The following NACA variants were observed in gnomAD, a reference collection of about 807,000 sequenced individuals.
NACA encodes the protein nascent polypeptide associated complex subunit alpha, also known as nascent polypeptide-associated complex subunit alpha.
In NACA, 42 loss-of-function variants were observed where a neutral mutation model predicts 86.4. That is an observed-to-expected ratio of 0.49 (90% CI 0.38 to 0.63). NACA has a LOEUF of 0.63. NACA is among the 20% of genes least tolerant of loss of function. The pLI is 0.00. For missense variants in NACA, 2,157 were observed against 2,483.6 expected, an observed-to-expected ratio of 0.87 and a Z score of 2.80; for synonymous variants, 898 against 973.7, an observed-to-expected ratio of 0.92 and a Z score of 1.45.
chr12:56,722,303 C>G (rs1442451544), intron 2 of NACA, among the ~76,000 whole-genome samples: 1 of 152,130 alleles, frequency 6.6e-6, no homozygotes, highest in Non-Finnish European at 1.5e-5. Context: ...TGAATTAGAC[C>G]TCCAGGCAGA....
At position 56,720,599 on chromosome 12, in the gene NACA, G is replaced by T; in HGVS notation, c.931C>A (p.Pro311Thr). Residue 311 changes from proline to threonine, a missense_variant, in exon 3 of 9, where the codon CCT becomes ACT. Around this residue, in one of 8 missense-constraint regions of NACA, gnomAD observed 947 missense variants for 917.9 expected, o/e 1.03. Coordinates refer to ENST00000454682, the MANE Select transcript of NACA (RefSeq NM_001365896.1). ...GAACCAAAAGAACTCTGATGTAAAG[G>T]TGCAAGATGAGAGCCCAGAGAAATG... Reference protein sequence around the residue: ...FPISLGSHLAPLHQSSFGSVQ... With the variant: ...FPISLGSHLATLHQSSFGSVQ... The T allele has an allele frequency of 6.2e-7, 1 of 1,613,976 alleles. No individual in the cohort carries two copies. Among genetic ancestry groups the T allele is most frequent in the South Asian group, 1.1e-5 (1 of 91,086 alleles).
At chr12:56,713,456 G>A (rs949317355) in intron 6 of NACA, 81 bp downstream of exon 6, 1 of 1,522,862 alleles carries the variant, frequency 6.6e-7, no homozygotes, top group Non-Finnish European at 9.0e-7. Context: ...CCATAACAGA[G>A]AACTATCTGA....
rs1953483317 is a variant in NACA, at chr12:56,718,871, T to C, written c.2659A>G (p.Thr887Ala). The change falls in exon 3 of 9, where the codon ACT becomes GCT. Residue 887 changes from threonine (T) to alanine (A), a missense_variant. By Grantham distance (58) the Thr-to-Ala change is moderately conservative. This residue lies in a region of NACA where 174 missense variants were observed against 217.0 expected (regional missense o/e 0.80). Transcript: ENST00000454682. ...GVTLPPKETP[T>A]PSVVNLPFPK... ...AAGGGCAGATTCACCACTGAAGGAG[T>C]GGGGGTCTCTTTGGGGGGTAGTGTT... The C allele has an allele frequency of 9.3e-6, 13 of 1,393,830 alleles. No individual in the cohort carries two copies. The highest frequency in any genetic ancestry group is 1.2e-5 in the Non-Finnish European group (13 of 1,047,328). 86.3% of individuals were successfully genotyped at this position (1,393,830 alleles called of 1,614,324 possible).
At position 56,713,225 on chromosome 12, in the gene NACA, A is replaced by G. The variant is rs773831918; in HGVS notation, c.5971-35T>C. On this transcript the variant is annotated intron_variant, in intron 6 of 8. Coordinates refer to ENST00000454682, the MANE Select transcript of NACA (RefSeq NM_001365896.1). ...AGAAAATACAGATCCATGTGAGTAG[A>G]TTAGCAGTCTTTGAAAAATAAATCA... 4 of 1,607,472 alleles carry G rather than the reference A, an allele frequency of 2.5e-6. No homozygotes were observed. In the African/African-American group the frequency reaches 4.0e-5, roughly 16 times the overall value.
rs1953486829 is a variant in NACA, at chr12:56,718,917, A to C, written c.2613T>G (p.Thr871=). 8.4e-6 allele frequency: 12 copies of C among 1,435,786 alleles called. No individual in the cohort carries two copies. The highest frequency in any genetic ancestry group is 1.4e-5 in the African/African-American group (1 of 70,516). 88.9% of individuals were successfully genotyped at this position (1,435,786 alleles called of 1,614,324 possible). A position where few individuals can be genotyped will look rare whatever the true frequency, so the allele number is the denominator to read the frequency against. Residue 871 remains threonine (T), a synonymous_variant, in exon 3 of 9, where the codon ACT becomes ACG. Transcript: ENST00000454682. ...GTGTTACTCCTTTGGGAGACAGAGG[A>C]GTCACAGCTGAGGGAGTAGGGGCCC... ...PKGAPTPSAV[T]PLSPKGVTLP...
Position 56,724,471 on chromosome 12 carries a change from C to A in NACA, c.51G>T (p.Pro17=). ...ACCTACCTGTCTCAGCCTGGGGCTG[C>A]GGCAACTCCTGCTCTGTAGCAGGGA... The part of the protein sequence containing the change: ...ETVPATEQEL[P]QPQAETAVLP... The change falls in exon 2 of 9, where the codon CCG becomes CCT. Residue 17 remains proline, a synonymous_variant. Coordinates refer to ENST00000454682, the MANE Select transcript of NACA (RefSeq NM_001365896.1). The A allele has an allele frequency of 6.2e-7, 1 of 1,612,304 alleles. No homozygotes were observed. Among genetic ancestry groups the A allele is most frequent in the Non-Finnish European group, 8.5e-7 (1 of 1,179,268 alleles).
At position 56,717,777 on chromosome 12, in the gene NACA, TG is replaced by T. The variant is rs1953426672; in HGVS notation, c.3752del (p.Pro1251GlnfsTer24). The T allele has an allele frequency of 9.0e-7, 1 of 1,113,854 alleles. No individual in the cohort carries two copies. The highest frequency in any genetic ancestry group is 2.0e-5 in the African/African-American group (1 of 49,652). The allele number at this position is 1,113,854 out of a possible 1,614,324, so 69.0% of individuals were successfully genotyped here. A position where few individuals can be genotyped will look rare whatever the true frequency, so the allele number is the denominator to read the frequency against. Reference protein sequence around the residue: ...PTTPAATPPSPKGGPATPPPK... With the variant: ...PTTPAATPPSXKGGPATPPPK... ...GGGGTGGGGTAGCTGGGCCTCCTTT[TG>T]GGGAGGGAGGAGTTGCAGCTGGGGT... is the stretch of plus-strand genomic sequence containing the variant. On this transcript the variant is annotated frameshift_variant, in exon 3 of 9. Coordinates refer to ENST00000454682, the MANE Select transcript of NACA (RefSeq NM_001365896.1). LOFTEE classifies it high-confidence loss of function.
At position 56,721,431 on chromosome 12, in the gene NACA, A is replaced by C; in HGVS notation, c.99T>G (p.Ser33Arg). The C allele has an allele frequency of 6.5e-7, 1 of 1,527,750 alleles. No individual in the cohort carries two copies. The highest frequency in any genetic ancestry group is 8.7e-7 in the Non-Finnish European group (1 of 1,145,372). The allele number at this position is 1,527,750 out of a possible 1,614,324, so 94.6% of individuals were successfully genotyped here. A position where few individuals can be genotyped will look rare whatever the true frequency, so the allele number is the denominator to read the frequency against. ...CAGGCTGCCCTAAGGCAGCAGTGACACTCAAGGCTGAAGACATAGGTAGCA... is the reference window on the plus strand; with the variant it reads ...CAGGCTGCCCTAAGGCAGCAGTGACCCTCAAGGCTGAAGACATAGGTAGCA... ...TAVLPMSSAL[S>R]VTAALGQPGP... Residue 33 changes from serine to arginine, a missense_variant, in exon 3 of 9, where the codon AGT (serine) becomes AGG (arginine). Ser to Arg is a moderately radical substitution (Grantham distance 110, BLOSUM62 -1). Transcript: ENST00000454682.
Position 56,715,955 on chromosome 12 carries a change from G to A in NACA, c.5575C>T (p.Leu1859Phe). The A allele has an allele frequency of 1.3e-6, 2 of 1,546,882 alleles. No homozygotes were observed. The highest frequency in any genetic ancestry group is 2.3e-5 in the East Asian group (1 of 44,338). The change falls in exon 3 of 9, where the codon CTC becomes TTC. Residue 1859 changes from leucine (L) to phenylalanine (F), a missense_variant. Physicochemically the swap from Leu to Phe is conservative, Grantham distance 22 (BLOSUM62 0). Coordinates refer to ENST00000454682, the MANE Select transcript of NACA (RefSeq NM_001365896.1). ...GATTTAGGGGTGGGCATGTTGACGA[G>A]GACCGACTGGAAAGGCACTCCCCCA... ...ISGGVPFQSV[L>F]VNMPTPKSAG...
chr12:56,720,956 G>A lies in NACA; in HGVS notation c.574C>T (p.Pro192Ser). 1.9e-6 allele frequency: 3 copies of A among 1,613,988 alleles called. No homozygotes were observed. Among genetic ancestry groups the A allele is most frequent in the African/African-American group, 1.3e-5 (1 of 75,028 alleles). The change falls in exon 3 of 9, where the codon CCC becomes TCC. Residue 192 changes from proline (P) to serine (S), a missense_variant. Pro to Ser is a moderately conservative substitution (Grantham distance 74). This residue lies in a region of NACA where 947 missense variants were observed against 917.9 expected (regional missense o/e 1.03). Coordinates refer to ENST00000454682, the MANE Select transcript of NACA (RefSeq NM_001365896.1). ...TTTGGATTAGGGACTACCTCAGAGG[G>A]AACTTTATTAAGATTAGTCTTTGGT... ...SEPKTNLNKV[P>S]SEVVPNPKGT...
chr12:56,713,463 C>G lies in NACA; in HGVS notation c.5970+74G>C, dbSNP rs1953269354. On this transcript the variant is annotated intron_variant, in intron 6 of 8. Coordinates refer to ENST00000454682, the MANE Select transcript of NACA (RefSeq NM_001365896.1). ...TAGCCCTTCCATAACAGAGAACTAT[C>G]TGACGCAAAATGTCAGCAGTGCTGA... 2.6e-6 allele frequency: 4 copies of G among 1,541,990 alleles called. No homozygotes were observed. In the African/African-American group the frequency reaches 4.1e-5, roughly 16 times the overall value.
Position 56,717,501 on chromosome 12 carries a change from AGGGGAGGGAGGAGT to A in NACA, c.4015_4028del (p.Thr1339Ter). ...TAGCTGGGAGAGTAGGGGTCCCTTT[AGGGGAGGGAGGAGT>A]TACAGCTGGGGGAGTGGGGGCCCCT... On this transcript the variant is annotated frameshift_variant, in exon 3 of 9. Coordinates refer to ENST00000454682, the MANE Select transcript of NACA (RefSeq NM_001365896.1). LOFTEE classifies it high-confidence loss of function. The A allele has an allele frequency of 9.7e-7, 1 of 1,026,226 alleles. No homozygotes were observed. The allele number at this position is 1,026,226 out of a possible 1,614,324, so 63.6% of individuals were successfully genotyped here.
In NACA at chr12:56,719,269, A is replaced by C. The variant is rs1448633125; in HGVS notation, c.2261T>G (p.Ile754Ser). The C allele has an allele frequency of 6.4e-7, 1 of 1,569,276 alleles. No individual in the cohort carries two copies. Among genetic ancestry groups the C allele is most frequent in the South Asian group, 1.1e-5 (1 of 89,748 alleles). Reference protein sequence around the residue: ...TPPGTKKVDGISHTSALAPVA... With the variant: ...TPPGTKKVDGSSHTSALAPVA... Reference sequence around the variant, plus strand: ...AGGTGCCAATGCTGAAGTATGAGAAATACCATCAACCTTTTTTGTACCTGG... The same window carrying C: ...AGGTGCCAATGCTGAAGTATGAGAACTACCATCAACCTTTTTTGTACCTGG... The change falls in exon 3 of 9, where the codon ATT (isoleucine) becomes AGT (serine). Residue 754 changes from isoleucine to serine, a missense_variant. Transcript: ENST00000454682.
At position 56,720,502 on chromosome 12, in the gene NACA, T is replaced by C. The variant is rs777548762; in HGVS notation, c.1028A>G (p.His343Arg). ...AGGATAAGAGGCCCCTGTGGAAGAATGATCTACAGAAATGGTCTTCACTGT... is the reference window on the plus strand; with the variant it reads ...AGGATAAGAGGCCCCTGTGGAAGAACGATCTACAGAAATGGTCTTCACTGT... ...DPTVKTISVD[H>R]SSTGASYPSQ... Residue 343 changes from histidine (H) to arginine (R), a missense_variant, in exon 3 of 9, where the codon CAT becomes CGT. Around this residue, in one of 8 missense-constraint regions of NACA, gnomAD observed 947 missense variants for 917.9 expected, o/e 1.03. Coordinates refer to ENST00000454682, the MANE Select transcript of NACA (RefSeq NM_001365896.1). The C allele has an allele frequency of 6.2e-6, 10 of 1,613,698 alleles. No individual in the cohort carries two copies. The highest frequency in any genetic ancestry group is 8.5e-6 in the Non-Finnish European group (10 of 1,179,788).
Position 56,716,540 on chromosome 12 carries a change from TG to T in NACA, c.4989del (p.Thr1664LeufsTer18). ...AGCCCTTTAGATGCTTGAGGAACAG[TG>T]GCCCCCATTTTACATGTGACAGAAG... ...SPASVTCKMGATVPQASKGLP... is the reference protein window; with the variant it reads ...SPASVTCKMGXTVPQASKGLP... On this transcript the variant is annotated frameshift_variant, in exon 3 of 9. Coordinates refer to ENST00000454682, the MANE Select transcript of NACA (RefSeq NM_001365896.1). LOFTEE classifies it high-confidence loss of function. 6.8e-7 allele frequency: 1 copy of T among 1,472,524 alleles called. No individual in the cohort carries two copies. Among genetic ancestry groups the T allele is most frequent in the Non-Finnish European group, 9.2e-7 (1 of 1,088,938 alleles). 91.2% of individuals were successfully genotyped at this position (1,472,524 alleles called of 1,614,324 possible). A position where few individuals can be genotyped will look rare whatever the true frequency, so the allele number is the denominator to read the frequency against.
At chr12:56,724,803 C>T (rs779255274) in intron 1 of NACA, 126 of 438,846 alleles carry the variant, frequency 2.9e-4, no homozygotes, top group Non-Finnish European at 4.4e-4. Context: ...CTACTGTGAA[C>T]CCCCTCCACT....
At position 56,719,860 on chromosome 12, in the gene NACA, G is replaced by A. The variant is rs767375116; in HGVS notation, c.1670C>T (p.Pro557Leu). The A allele has an allele frequency of 9.9e-6, 16 of 1,613,806 alleles. No individual in the cohort carries two copies. The highest frequency in any genetic ancestry group is 1.4e-5 in the Non-Finnish European group (16 of 1,179,870). The part of the protein sequence containing the change: ...AQAGLTTKKD[P>L]TVLPLVQAAP... ...TGCCTGGACTAACGGTAATACAGTA[G>A]GGTCTTTCTTGGTGGTGAGTCCTGC... is the stretch of plus-strand genomic sequence containing the variant. Residue 557 changes from proline to leucine, a missense_variant, in exon 3 of 9, where the codon CCT becomes CTT. Around this residue, in one of 8 missense-constraint regions of NACA, gnomAD observed 947 missense variants for 917.9 expected, o/e 1.03. Transcript: ENST00000454682.
At position 56,722,644 on chromosome 12, in the gene NACA, C is replaced by T. The variant is rs572864607; in HGVS notation, c.71-1185G>A. On this transcript the variant is annotated intron_variant, in intron 2 of 8. Transcript: ENST00000454682. ...TGGAGGTTGCAGTGAGCCAAGATCG[C>T]GCTACTGCATGCACTCCAGCCTGGG... Among the ~76,000 whole-genome samples the T allele has an allele frequency of 1.1e-4, 17 of 152,246 alleles. No individual in the cohort carries two copies. In the South Asian group the frequency reaches 1.2e-3, roughly 11 times the overall value.
Position 56,717,075 on chromosome 12 carries a change from G to A in NACA, c.4455C>T (p.Ala1485=), listed in dbSNP as rs1352346615. 1.6e-6 allele frequency: 2 copies of A among 1,244,366 alleles called. No homozygotes were observed. The highest frequency in any genetic ancestry group is 6.7e-5 in the Admixed American group (2 of 29,908). 77.1% of individuals were successfully genotyped at this position (1,244,366 alleles called of 1,614,324 possible). Residue 1485 remains alanine (A), a synonymous_variant, in exon 3 of 9, where the codon GCC becomes GCT. Transcript: ENST00000454682. ...GGGCCTTTTTGGGAGAGGAAGAAGTGGCAACTTGTTTGGGGGCTGGGGGCT... is the reference window on the plus strand; with the variant it reads ...GGGCCTTTTTGGGAGAGGAAGAAGTAGCAACTTGTTTGGGGGCTGGGGGCT... ...PKEPPAPKQV[A]TSSSPKKAPA...
Sources: allele counts gnomAD v4.1 joint callset (sites outside exome capture counted in the v4.1 genomes callset), GRCh38; gene constraint gnomAD v4.1.1; regional missense constraint gnomAD v4.1.1; transcripts MANE v1.5; gene names NCBI Gene and HGNC (gene_info 2026-07-23, HGNC 2026-07-21).